ATP6V1B2: variants seen among roughly 807,000 people sequenced by gnomAD.
ATP6V1B2 encodes the protein ATPase H+ transporting V1 subunit B2, also known as V-type proton ATPase subunit B, brain isoform.
ATP6V1B2 carries 23 observed loss-of-function variants against 66.7 expected under a neutral mutation model. That is an observed-to-expected ratio of 0.34 (90% confidence interval 0.25 to 0.49). The LOEUF (loss-of-function observed/expected upper bound fraction) is 0.49. ATP6V1B2 is among the 20% of genes least tolerant of loss of function. ATP6V1B2 has a pLI of 0.99. For missense variants in ATP6V1B2, 478 were observed against 650.8 expected (o/e 0.73, Z 2.89); for synonymous variants, 278 against 236.7 (o/e 1.17, Z -1.60).
intron 5 of ATP6V1B2, 62 bp downstream of exon 5, chr8:20,210,708 T>G (rs2128885713): frequency 1.4e-6 from 2 of 1,447,998 alleles, no homozygotes; most frequent in South Asian, 1.2e-5. Flanking sequence ...TCTTGTACCT[T>G]TGCCAGATAG....
At chr8:20,215,091 G>A in intron 10 of ATP6V1B2, 123 bp downstream of exon 10, 2 of 1,102,648 alleles carry the variant, frequency 1.8e-6, no homozygotes, top group South Asian at 2.0e-5. Flanking sequence ...TTGGTTATTT[G>A]CCTAAATAAA....
At chr8:20,210,516 T>C (rs2072782233) in intron 4 of ATP6V1B2, 53 bp from the exon 5 acceptor site, 6 of 1,607,994 alleles carry the variant, frequency 3.7e-6, no homozygotes, top group Non-Finnish European at 3.4e-6. Flanking sequence ...TTAAAAATTA[T>C]GAACATTTGA....
intron 10 of ATP6V1B2, 174 bp downstream of exon 10, chr8:20,215,142 T>G (rs1434362801): frequency 1.3e-6 from 1 of 761,182 alleles, no homozygotes; most frequent in African/African-American, 1.8e-5. Context: ...ATTATCCTAT[T>G]GTGGAGGAAA....
intron 9 of ATP6V1B2, chr8:20,214,156 CT>C (rs2128886245): frequency 6.6e-6 from 1 of 152,264 alleles, no homozygotes; most frequent in Non-Finnish European, 1.5e-5. Context: ...TTTCATAATG[CT>C]TTAGGGTTCT....
intron 6 of ATP6V1B2, 142 bp downstream of exon 6, chr8:20,211,458 T>C: frequency 7.5e-7 from 1 of 1,334,244 alleles, no homozygotes; most frequent in South Asian, 1.5e-5. Context: ...CCTCACATCT[T>C]TATTTCTGCA....
In ATP6V1B2 at chr8:20,219,270, C is replaced by G. The variant is rs556925920; in HGVS notation, c.1396+988C>G. Among the ~76,000 whole-genome samples, 7 of 152,150 alleles carry G rather than the reference C, an allele frequency of 4.6e-5. 1 individual carries two copies. Among genetic ancestry groups the G allele is most frequent in the African/African-American group, 1.4e-4 (6 of 41,444 alleles). ...CTGACCACTCTTGAGTCCAAAGGCT[C>G]TAGTCCAAACCTTTGTCCCATCACC... On this transcript the variant is annotated intron_variant, in intron 13 of 13. Coordinates refer to ENST00000276390, the MANE Select transcript of ATP6V1B2 (RefSeq NM_001693.4).
At chr8:20,211,344 A>G (rs771972410) in intron 6 of ATP6V1B2, 28 bp downstream of exon 6, 1 of 1,594,224 alleles carries the variant, frequency 6.3e-7, no homozygotes, top group African/African-American at 1.4e-5. Context: ...TTTGCTATGA[A>G]GTTTAGCAGA....
At chr8:20,213,995 C>T (rs2072824088) in intron 9 of ATP6V1B2, 1 of 152,170 alleles carries the variant, frequency 6.6e-6, no homozygotes, top group Non-Finnish European at 1.5e-5. Context: ...TAAAATTATT[C>T]TGCCAAATTG....
At chr8:20,214,678 T>A (rs1044124501) in intron 9 of ATP6V1B2, 140 bp from the exon 10 acceptor site, 71 of 954,362 alleles carry the variant, frequency 7.4e-5, no homozygotes, top group Non-Finnish European at 8.8e-5. Context: ...GAGATTTTTC[T>A]AAATCATTCT....
At chr8:20,215,060 C>A in intron 10 of ATP6V1B2, 92 bp downstream of exon 10, 1 of 1,343,048 alleles carries the variant, frequency 7.4e-7, no homozygotes, top group Non-Finnish European at 1.0e-6. Flanking sequence ...ATTTTGAGAA[C>A]ACATCCCCTA....
intron 13 of ATP6V1B2, among the ~76,000 whole-genome samples, chr8:20,219,107 T>C (rs567912385): frequency 6.6e-6 from 1 of 152,338 alleles, no homozygotes; most frequent in African/African-American, 2.4e-5. Context: ...GCCTTAGTCC[T>C]GTATTTCTTA....
At chr8:20,199,604 G>GTTTTTTT (rs11356003) in intron 1 of ATP6V1B2, among the ~76,000 whole-genome samples, 16 of 87,596 alleles carry the variant, frequency 1.8e-4, no homozygotes, top group Admixed American at 3.1e-4. Flanking sequence ...ATTTTTGTGG[G>GTTTTTTT]TTTTTTTTTT....
At chr8:20,203,897 C>T in intron 1 of ATP6V1B2, 2 of 440,218 alleles carry the variant, frequency 4.5e-6, no homozygotes, top group Non-Finnish European at 9.0e-6. Flanking sequence ...CTACTCCGTC[C>T]TTCAGAAGCT....
chr8:20,218,206 A>G lies in ATP6V1B2; in HGVS notation c.1320A>G (p.Gly440=), dbSNP rs1240784344. 1.2e-6 allele frequency: 2 copies of G among 1,613,456 alleles called. No individual in the cohort carries two copies. Among genetic ancestry groups the G allele is most frequent in the Admixed American group, 1.7e-5 (1 of 59,986 alleles). Residue 440 remains glycine (G), a synonymous_variant, in exon 13 of 14, where the codon GGA becomes GGG. Transcript: ENST00000276390. ...KDVQAMKAVV[G]EEALTSDDLL... is the part of the protein sequence containing the mutation. Reference sequence around the variant, plus strand: ...TGCAAGCCATGAAAGCTGTCGTTGGAGAAGAAGCCCTTACCTCAGATGATC... The same window carrying G: ...TGCAAGCCATGAAAGCTGTCGTTGGGGAAGAAGCCCTTACCTCAGATGATC...
Position 20,212,854 on chromosome 8 carries a change from T to C in ATP6V1B2, c.876T>C (p.His292=), listed in dbSNP as rs746117291. 7 of 1,613,782 alleles carry C rather than the reference T, an allele frequency of 4.3e-6. No homozygotes were observed. The highest frequency in any genetic ancestry group is 1.7e-4 in the Middle Eastern group (1 of 6,060). ...AEFLAYQCEK[H]VLVILTDMSS... Reference sequence around the variant, plus strand: ...TTCTGGCGTACCAATGTGAGAAACATGTATTGGTTATTCTAACAGACATGA... The same window carrying C: ...TTCTGGCGTACCAATGTGAGAAACACGTATTGGTTATTCTAACAGACATGA... The change falls in exon 9 of 14, where the codon CAT becomes CAC. Residue 292 remains histidine, a synonymous_variant. Coordinates refer to ENST00000276390, the MANE Select transcript of ATP6V1B2 (RefSeq NM_001693.4).
intron 1 of ATP6V1B2, among the ~76,000 whole-genome samples, chr8:20,201,622 A>G (rs186945504): frequency 4.1e-4 from 63 of 152,114 alleles, no homozygotes; most frequent in Non-Finnish European, 6.3e-4. Flanking sequence ...TAGAGTACCA[A>G]TCCTAAGATT....
intron 2 of ATP6V1B2, among the ~76,000 whole-genome samples, chr8:20,206,323 G>T (rs923301906): frequency 8.5e-5 from 13 of 152,096 alleles, no homozygotes; most frequent in African/African-American, 2.9e-4. Context: ...TACCCCATAG[G>T]TTAAGGGCTT....
chr8:20,200,859 C>A (rs1006098563), intron 1 of ATP6V1B2, among the ~76,000 whole-genome samples: 6 of 152,318 alleles, frequency 3.9e-5, no homozygotes, highest in African/African-American at 1.4e-4. Flanking sequence ...CTCTACTCTT[C>A]TTGTACAAGG....
chr8:20,211,968 G>T, intron 7 of ATP6V1B2, 134 bp from the exon 8 acceptor site: 1 of 894,350 alleles, frequency 1.1e-6, no homozygotes, highest in Non-Finnish European at 1.7e-6. Flanking sequence ...TTGTTCTGTT[G>T]GTTTTTGTGA....
Sources: allele counts gnomAD v4.1 joint callset (sites outside exome capture counted in the v4.1 genomes callset), GRCh38; gene constraint gnomAD v4.1.1; transcripts MANE v1.5; gene names NCBI Gene and HGNC (gene_info 2026-07-23, HGNC 2026-07-21).